The following MYOF variants were observed in gnomAD, a reference collection of about 807,000 sequenced individuals.
MYOF encodes fer-1-like 3, myoferlin.
A neutral mutation model predicts 284.2 loss-of-function variants in MYOF; 244 were observed. The ratio of observed to expected loss-of-function variants is 0.86; its 90% CI spans 0.77 to 0.95. MYOF has a LOEUF of 0.95. Ranked by LOEUF, MYOF falls within the 40% of genes least tolerant of loss-of-function variation. The probability of loss-of-function intolerance (pLI) is 0.00; values close to 1 mark genes in which losing one functional copy is unlikely to be tolerated. For synonymous variants in MYOF, 904 were observed against 919.7 expected (o/e 0.98, Z 0.31); for missense variants, 2,496 against 2,560.6 (o/e 0.97, Z 0.54).
intron 3 of MYOF, among the ~76,000 whole-genome samples, chr10:93,446,697 G>A (rs192972046): frequency 1.2e-3 from 189 of 151,850 alleles, no homozygotes; most frequent in Non-Finnish European, 2.2e-3. Flanking sequence ...AACAATTCCC[G>A]TCATCATAAT....
At chr10:93,362,298 T>C (rs909931934) in intron 27 of MYOF, among the ~76,000 whole-genome samples, 18 of 150,900 alleles carry the variant, frequency 1.2e-4, no homozygotes, top group Non-Finnish European at 2.2e-4. Flanking sequence ...CAGGCTGGAG[T>C]GCAGTGGTGC....
chr10:93,452,942 C>A (rs2056636740), intron 2 of MYOF, among the ~76,000 whole-genome samples: 1 of 151,838 alleles, frequency 6.6e-6, no homozygotes, highest in African/African-American at 2.4e-5. Context: ...CAGTAAGTTG[C>A]TTCCTAATGA....
At chr10:93,337,989 A>G in intron 39 of MYOF, 76 bp from the exon 40 acceptor site, 1 of 1,072,586 alleles carries the variant, frequency 9.3e-7, no homozygotes, top group Non-Finnish European at 1.4e-6. Flanking sequence ...TGCATTTGTA[A>G]TAGTTAAGAA....
intron 43 of MYOF, among the ~76,000 whole-genome samples, chr10:93,330,322 C>T (rs1446222254): frequency 6.6e-6 from 1 of 152,162 alleles, no homozygotes; most frequent in African/African-American, 2.4e-5. Context: ...AGCACCTCCA[C>T]CCAGCTCAGA....
chr10:93,334,030 T>G (rs1843481399), intron 41 of MYOF, 117 bp from the exon 42 acceptor site: 2 of 987,038 alleles, frequency 2.0e-6, no homozygotes, highest in South Asian at 3.4e-5. Flanking sequence ...CTGCCTTTTG[T>G]GAAAGAAATA....
intron 45 of MYOF, 114 bp downstream of exon 45, chr10:93,328,649 G>T: frequency 1.8e-6 from 2 of 1,114,920 alleles, no homozygotes; most frequent in Non-Finnish European, 2.6e-6. Flanking sequence ...CACGTGCACA[G>T]TCTCATGTGG....
chr10:93,455,674 TAAAA>T (rs536136291), intron 2 of MYOF, among the ~76,000 whole-genome samples: 1 of 150,786 alleles, frequency 6.6e-6, no homozygotes, highest in Non-Finnish European at 1.5e-5. Flanking sequence ...AACAAACAAA[TAAAA>T]AAAAACCCAG....
At chr10:93,365,932 G>A (rs1471321697) in intron 26 of MYOF, among the ~76,000 whole-genome samples, 3 of 152,126 alleles carry the variant, frequency 2.0e-5, no homozygotes, top group Non-Finnish European at 4.4e-5. Context: ...GTGGGAATTC[G>A]GGCATGAAAA....
chr10:93,338,965 C>A (rs1304544410), intron 39 of MYOF, among the ~76,000 whole-genome samples: 1 of 149,654 alleles, frequency 6.7e-6, no homozygotes, highest in Non-Finnish European at 1.5e-5. Context: ...ATGTCACCTG[C>A]AGTAGAGCCT....
At chr10:93,378,693 G>GTGTGTATATATATACATATATATA in intron 21 of MYOF, among the ~76,000 whole-genome samples, 1 of 87,894 alleles carries the variant, frequency 1.1e-5, no homozygotes, top group Non-Finnish European at 2.1e-5. Context: ...GTGTGTGTGT[G>GTGTGTATATATATACATATATATA]TATATATATA....
chr10:93,377,280 G>A (rs1845877229), intron 22 of MYOF, 43 bp downstream of exon 22: 1 of 1,313,256 alleles, frequency 7.6e-7, no homozygotes, highest in Non-Finnish European at 1.1e-6. Context: ...TCAGGGAGGA[G>A]CGCCTGGATG....
At chr10:93,474,130 C>A (rs1374813460) in intron 1 of MYOF, among the ~76,000 whole-genome samples, 1 of 152,130 alleles carries the variant, frequency 6.6e-6, no homozygotes, top group East Asian at 1.9e-4. Context: ...CAGGTTGTTT[C>A]CTCAGTGTCT....
At chr10:93,435,778 C>T (rs1262689754) in intron 3 of MYOF, among the ~76,000 whole-genome samples, 1 of 151,950 alleles carries the variant, frequency 6.6e-6, no homozygotes, top group African/African-American at 2.4e-5. Context: ...CCTTGGCACA[C>T]ACAAAAAATG....
intron 3 of MYOF, among the ~76,000 whole-genome samples, chr10:93,437,356 AAATGTG>A (rs1234046539): frequency 6.6e-6 from 1 of 152,080 alleles, no homozygotes; most frequent in Non-Finnish European, 1.5e-5. Context: ...AGCACGGCGC[AAATGTG>A]AAGGGCCGCA....
In MYOF at chr10:93,359,950, A is replaced by G. The variant is rs1844991305; in HGVS notation, c.3003T>C (p.Pro1001=). The stretch of plus-strand genomic sequence containing the variant: ...CAACCCAGGATTTGGGCTTATGATC[A>G]GGAGGAATGGTGATTCCATATTCCC... ...KGWEYGITIP[P]DHKPKSWVAA... Residue 1001 remains proline, a synonymous_variant, in exon 29 of 54, where the codon CCT becomes CCC. Transcript: ENST00000359263. 1 of 1,614,104 alleles carries G rather than the reference A, an allele frequency of 6.2e-7. No individual in the cohort carries two copies. Among genetic ancestry groups the G allele is most frequent in the Non-Finnish European group, 8.5e-7 (1 of 1,180,044 alleles).
At chr10:93,446,923 AC>A (rs1430650539) in intron 3 of MYOF, among the ~76,000 whole-genome samples, 2 of 151,808 alleles carry the variant, frequency 1.3e-5, no homozygotes, top group South Asian at 4.2e-4. Flanking sequence ...CACCACGATG[AC>A]CAGGCTGTTC....
At chr10:93,334,512 C>A (rs1843506976) in intron 41 of MYOF, among the ~76,000 whole-genome samples, 1 of 152,192 alleles carries the variant, frequency 6.6e-6, no homozygotes, top group Non-Finnish European at 1.5e-5. Context: ...CTGTGGGCTT[C>A]TAGAGACGGG....
intron 5 of MYOF, among the ~76,000 whole-genome samples, chr10:93,424,528 G>A (rs1288159090): frequency 2.6e-5 from 4 of 152,096 alleles, no homozygotes; most frequent in East Asian, 3.9e-4. Flanking sequence ...CAGCGCTCCC[G>A]CAGGGCTGAG....
chr10:93,384,176 G>C (rs1846249956), intron 19 of MYOF, among the ~76,000 whole-genome samples: 3 of 152,172 alleles, frequency 2.0e-5, no homozygotes, highest in Non-Finnish European at 4.4e-5. Context: ...CCAGAGCCAG[G>C]CTACCCTCGA....
Sources: allele counts gnomAD v4.1 joint callset (sites outside exome capture counted in the v4.1 genomes callset), GRCh38; gene constraint gnomAD v4.1.1; transcripts MANE v1.5; gene names NCBI Gene and HGNC (gene_info 2026-07-23, HGNC 2026-07-21).